Variants in DCX observed in about 807,000 individuals in gnomAD.
DCX encodes the protein doublecortin, also known as neuronal migration protein doublecortin.
Under a neutral mutation model 20.9 loss-of-function variants are expected in DCX, and 4 were observed. The observed-to-expected ratio is 0.19, with a 90% confidence interval of 0.09 to 0.44. The LOEUF is 0.44. Ranked by LOEUF, DCX falls within the 20% of genes least tolerant of loss-of-function variation. DCX has a pLI of 0.99. For synonymous variants in DCX, 103 were observed against 111.4 expected (o/e 0.92, Z 0.47); for missense variants, 133 against 296.9 (o/e 0.45, Z 4.06).
At chrX:111,409,948 TA>T in intron 2 of DCX, 86 bp downstream of exon 2, 1 of 1,160,787 alleles carries the variant, frequency 8.6e-7, no homozygotes, top group Non-Finnish European at 1.2e-6. Flanking sequence ...ATACATTGCC[TA>T]ATTTTTTTTC....
chrX:111,318,964 G>A (rs748396861), intron 5 of DCX, among the ~76,000 whole-genome samples: 36 of 112,112 alleles, frequency 3.2e-4, no homozygotes, highest in Non-Finnish European at 5.6e-4. Context: ...TTAAAAAAAT[G>A]CACCAGCAGG....
intron 5 of DCX, among the ~76,000 whole-genome samples, chrX:111,315,021 C>T (rs1425014402): frequency 5.5e-5 from 6 of 109,105 alleles, no homozygotes; most frequent in African/African-American, 2.1e-4. Flanking sequence ...GTGTTTTGGA[C>T]ATGAAGTCCT....
At chrX:111,311,386 G>GA (rs2095057421) in intron 6 of DCX, among the ~76,000 whole-genome samples, 1 of 111,924 alleles carries the variant, frequency 8.9e-6, no homozygotes, top group South Asian at 3.8e-4. Flanking sequence ...GACTGATATA[G>GA]AAAAAATAAA....
intron 3 of DCX, among the ~76,000 whole-genome samples, chrX:111,373,417 T>C (rs928997520): frequency 3.6e-5 from 4 of 112,219 alleles, no homozygotes; most frequent in Non-Finnish European, 7.5e-5. Flanking sequence ...AGATTTTGCC[T>C]GTGGATACCT....
chrX:111,364,417 T>C (rs1924446086), intron 3 of DCX, among the ~76,000 whole-genome samples: 1 of 112,314 alleles, frequency 8.9e-6, no homozygotes, highest in Non-Finnish European at 1.9e-5. Flanking sequence ...ATTTCTCAAC[T>C]ATCCGATTGG....
chrX:111,384,654 C>T (rs1375249808), intron 3 of DCX, among the ~76,000 whole-genome samples: 1 of 111,754 alleles, frequency 8.9e-6, no homozygotes, highest in African/African-American at 3.3e-5. Context: ...TTAATGGAAC[C>T]TACTATTAAG....
chrX:111,401,401 T>C, intron 2 of DCX, 71 bp from the exon 3 acceptor site: 1 of 935,831 alleles, frequency 1.1e-6, no homozygotes, highest in Admixed American at 2.2e-5. Context: ...ACCAAACTAA[T>C]ACACACTGAC....
chrX:111,382,524 G>A (rs1190109511), intron 3 of DCX, among the ~76,000 whole-genome samples: 2 of 111,834 alleles, frequency 1.8e-5, no homozygotes, highest in Non-Finnish European at 3.8e-5. Flanking sequence ...AATGGCAAAT[G>A]AGCCCAGCAG....
At chrX:111,356,088 A>G (rs1160234854) in intron 3 of DCX, among the ~76,000 whole-genome samples, 1 of 112,387 alleles carries the variant, frequency 8.9e-6, no homozygotes, top group East Asian at 2.8e-4. Context: ...CAGGAAATAT[A>G]AACCAATAGT....
chrX:111,342,252 A>T (rs1429124387), intron 3 of DCX, among the ~76,000 whole-genome samples: 3 of 97,483 alleles, frequency 3.1e-5, no homozygotes, highest in African/African-American at 1.1e-4. Context: ...CTGACCAAAC[A>T]GACTTTAAAC....
chrX:111,405,768 T>A (rs1928162981), intron 2 of DCX, among the ~76,000 whole-genome samples: 1 of 111,499 alleles, frequency 9.0e-6, no homozygotes, highest in Admixed American at 9.5e-5. Flanking sequence ...TTCATTGACC[T>A]CCTTGGGATA....
chrX:111,407,802 G>GCACACACACA (rs34206475), intron 2 of DCX, among the ~76,000 whole-genome samples: 138 of 90,281 alleles, frequency 1.5e-3, no homozygotes, highest in African/African-American at 4.8e-3. Context: ...ACATCAATAC[G>GCACACACACA]CACACACACA....
intron 3 of DCX, among the ~76,000 whole-genome samples, chrX:111,371,150 G>A (rs868036905): frequency 3.8e-4 from 43 of 112,168 alleles, no homozygotes; most frequent in African/African-American, 1.4e-3. Flanking sequence ...ACAGTGAAAT[G>A]CATAAACTGT....
At chrX:111,321,245 T>C in intron 5 of DCX, among the ~76,000 whole-genome samples, 1 of 112,097 alleles carries the variant, frequency 8.9e-6, no homozygotes, top group East Asian at 2.8e-4. Flanking sequence ...GCATGACATG[T>C]AACTACCCTC....
At chrX:111,355,187 A>T (rs1923632027) in intron 3 of DCX, among the ~76,000 whole-genome samples, 1 of 111,561 alleles carries the variant, frequency 9.0e-6, no homozygotes, top group South Asian at 3.8e-4. Flanking sequence ...AAAGAAAAAG[A>T]TTTTTTTTTA....
intron 4 of DCX, among the ~76,000 whole-genome samples, chrX:111,332,165 C>T (rs944782288): frequency 8.9e-6 from 1 of 112,455 alleles, no homozygotes; most frequent in Non-Finnish European, 1.9e-5. Flanking sequence ...TTGTTTGTTT[C>T]ACTTCTTGTT....
At chrX:111,402,356 G>A (rs928162074) in intron 2 of DCX, among the ~76,000 whole-genome samples, 1 of 111,975 alleles carries the variant, frequency 8.9e-6, no homozygotes, top group Admixed American at 9.5e-5. Flanking sequence ...TAGGAAGAGA[G>A]ATAGGCTCAG....
chrX:111,370,223 T>C (rs942520585), intron 3 of DCX, among the ~76,000 whole-genome samples: 4 of 111,732 alleles, frequency 3.6e-5, no homozygotes, highest in African/African-American at 1.3e-4. Context: ...CATTTTACTC[T>C]TTAGTAGTAT....
At chrX:111,316,091 A>AT (rs2095070626) in intron 5 of DCX, among the ~76,000 whole-genome samples, 1 of 96,572 alleles carries the variant, frequency 1.0e-5, no homozygotes, top group Non-Finnish European at 2.0e-5. Context: ...AAAAATAAAA[A>AT]AAAAAAAAAA....
Sources: gnomAD v4.1 joint callset for allele counts (sites outside exome capture counted in the v4.1 genomes callset) on GRCh38, gnomAD v4.1.1 for gene constraint, MANE v1.5 for transcripts, NCBI Gene and HGNC (gene_info 2026-07-23, HGNC 2026-07-21) for gene names.